Variants in MTHFS observed in about 807,000 individuals in gnomAD.
MTHFS encodes the protein 5-formyltetrahydrofolate cyclo-ligase.
In MTHFS, 7 loss-of-function variants were observed where a neutral mutation model predicts 12.7. The observed-to-expected ratio is 0.55, with a 90% CI of 0.31 to 1.03. MTHFS has a LOEUF of 1.03. MTHFS is among the 50% of genes least tolerant of loss of function. The probability of loss-of-function intolerance (pLI) is 0.05; values close to 1 mark genes in which losing one functional copy is unlikely to be tolerated. For synonymous variants in MTHFS, 100 were observed against 97.1 expected, an observed-to-expected ratio of 1.03 and a Z score of -0.18; for missense variants, 252 against 258.1, an observed-to-expected ratio of 0.98 and a Z score of 0.16.
intron 2 of MTHFS, among the ~76,000 whole-genome samples, chr15:79,888,472 G>A (rs2034416888): frequency 6.6e-6 from 1 of 152,182 alleles, no homozygotes; most frequent in African/African-American, 2.4e-5. Context: ...GGAAGGAGAG[G>A]ATGCAAGACA....
chr15:79,896,678 C>A, intron 1 of MTHFS, 194 bp downstream of exon 1: 2 of 1,042,390 alleles, frequency 1.9e-6, no homozygotes, highest in Non-Finnish European at 2.6e-6. Flanking sequence ...GCCCTCTCCC[C>A]GCCATAGTGC....
intron 2 of MTHFS, among the ~76,000 whole-genome samples, chr15:79,882,647 C>A (rs1801338880): frequency 6.6e-6 from 1 of 152,218 alleles, no homozygotes; most frequent in Non-Finnish European, 1.5e-5. Flanking sequence ...ACATAGGTCA[C>A]CTTCACACAG....
intron 1 of MTHFS, among the ~76,000 whole-genome samples, chr15:79,891,779 C>A (rs970715087): frequency 2.6e-5 from 4 of 151,860 alleles, no homozygotes; most frequent in Non-Finnish European, 5.9e-5. Context: ...GCCAGCCTGA[C>A]CAACATGGTA....
At chr15:79,892,091 G>A (rs538326624) in intron 1 of MTHFS, among the ~76,000 whole-genome samples, 2 of 151,654 alleles carry the variant, frequency 1.3e-5, no homozygotes, top group East Asian at 3.9e-4. Flanking sequence ...TATCAATCAA[G>A]TATGAAGGTA....
chr15:79,880,094 G>A (rs1056551610), intron 2 of MTHFS, among the ~76,000 whole-genome samples: 3 of 152,038 alleles, frequency 2.0e-5, no homozygotes, highest in African/African-American at 7.3e-5. Context: ...TTTTAAGACG[G>A]AGTCTCGCTC....
chr15:79,896,642 T>C, intron 1 of MTHFS: 1 of 752,822 alleles, frequency 1.3e-6, no homozygotes, highest in African/African-American at 1.9e-5. Flanking sequence ...CCTCTCGCTC[T>C]TTAGCCCCAC....
chr15:79,893,220 T>G (rs1567000330), intron 1 of MTHFS, among the ~76,000 whole-genome samples: 1 of 146,398 alleles, frequency 6.8e-6, no homozygotes. Flanking sequence ...CGGGCCAAGA[T>G]GATGAAACCC....
intron 1 of MTHFS, chr15:79,896,658 T>C (rs1466569392): frequency 3.5e-6 from 3 of 849,188 alleles, no homozygotes; most frequent in Non-Finnish European, 5.1e-6. Flanking sequence ...CCCACAACTT[T>C]CACTACCGGG....
Position 79,845,469 on chromosome 15 carries a change from A to G in MTHFS, c.380-27T>C, listed in dbSNP as rs144278585. The G allele has an allele frequency of 1.3e-3, 2,149 of 1,606,694 alleles. 7 individuals are homozygous for G. Among genetic ancestry groups the G allele is most frequent in the Middle Eastern group, 7.0e-3 (42 of 6,028 alleles). On this transcript the variant is annotated intron_variant, in intron 2 of 2. Coordinates refer to ENST00000258874, the MANE Select transcript of MTHFS (RefSeq NM_006441.4). ...TGCGGAAAAGAGGAACAAATTTAAG[A>G]GGATTAATTGTTTCTGAAAGATCAT...
chr15:79,871,476 G>A (rs976932912), intron 2 of MTHFS, among the ~76,000 whole-genome samples: 1 of 151,098 alleles, frequency 6.6e-6, no homozygotes, highest in Non-Finnish European at 1.5e-5. Flanking sequence ...TCAATCATAA[G>A]CTATTTACAG....
chr15:79,894,442 T>C (rs2034530626), intron 1 of MTHFS, among the ~76,000 whole-genome samples: 1 of 152,198 alleles, frequency 6.6e-6, no homozygotes, highest in Non-Finnish European at 1.5e-5. Flanking sequence ...ATGTTCCTTG[T>C]ATGTGTATAT....
intron 2 of MTHFS, among the ~76,000 whole-genome samples, chr15:79,852,364 T>C (rs1015628556): frequency 1.3e-5 from 2 of 152,362 alleles, no homozygotes; most frequent in African/African-American, 2.4e-5. Context: ...TCTGATTATA[T>C]ACAAAAATTG....
At chr15:79,861,932 G>A (rs1338732765) in intron 2 of MTHFS, among the ~76,000 whole-genome samples, 1 of 152,178 alleles carries the variant, frequency 6.6e-6, no homozygotes, top group East Asian at 1.9e-4. Flanking sequence ...GGTCACATCT[G>A]GGGAACAGGC....
At chr15:79,876,653 T>A (rs149710121) in intron 2 of MTHFS, 24 of 147,874 alleles carry the variant, frequency 1.6e-4, no homozygotes, top group African/African-American at 5.7e-4. Context: ...CAAATGTTCC[T>A]AGAATTAAAT....
intron 2 of MTHFS, among the ~76,000 whole-genome samples, chr15:79,851,814 TAAGTA>T (rs1284409980): frequency 2.0e-5 from 3 of 152,074 alleles, no homozygotes; most frequent in Non-Finnish European, 2.9e-5. Flanking sequence ...CAAATGAGAT[TAAGTA>T]AAGGTATGGA....
intron 2 of MTHFS, among the ~76,000 whole-genome samples, chr15:79,850,980 G>A (rs1055244025): frequency 2.6e-5 from 4 of 152,080 alleles, no homozygotes; most frequent in Non-Finnish European, 5.9e-5. Flanking sequence ...TCCCTGTCCT[G>A]AGCTTTTCAG....
In MTHFS at chr15:79,871,452, C is replaced by G. The variant is rs191945525; in HGVS notation, c.379+17641G>C. 2.4e-4 allele frequency among the ~76,000 whole-genome samples: 37 copies of G among 151,280 alleles called. 1 individual carries two copies. The highest frequency in any genetic ancestry group is 2.4e-3 in the Admixed American group (36 of 15,200). On this transcript the variant is annotated intron_variant, in intron 2 of 2. Transcript: ENST00000258874. Reference sequence around the variant, plus strand: ...TAACTAAAAGACTACCAGTTGGGTACAAATATCAAAAATTCAATCATAAGC... The same window carrying G: ...TAACTAAAAGACTACCAGTTGGGTAGAAATATCAAAAATTCAATCATAAGC...
intron 2 of MTHFS, among the ~76,000 whole-genome samples, chr15:79,884,007 C>T (rs2586152): frequency 0.45 from 68,280 of 152,048 alleles, 16,098 homozygotes; most frequent in Non-Finnish European, 0.52. Context: ...ACAGCAGCCA[C>T]AGCAGCAACA....
At chr15:79,888,503 A>T (rs984553823) in intron 2 of MTHFS, among the ~76,000 whole-genome samples, 30 of 148,262 alleles carry the variant, frequency 2.0e-4, no homozygotes, top group Non-Finnish European at 3.6e-4. Context: ...GAACAGTTAA[A>T]AGGCCTTTCC....
Sources: allele counts gnomAD v4.1 joint callset (sites outside exome capture counted in the v4.1 genomes callset), GRCh38; gene constraint gnomAD v4.1.1; transcripts MANE v1.5; gene names NCBI Gene and HGNC (gene_info 2026-07-23, HGNC 2026-07-21).